The following NRG3 variants were observed in gnomAD, a reference collection of about 807,000 sequenced individuals.
NRG3 encodes the protein neuregulin 3.
In NRG3, 31 loss-of-function variants were observed where a neutral mutation model predicts 66.9. That is an observed-to-expected ratio of 0.46 (90% confidence interval 0.35 to 0.63). The LOEUF (loss-of-function observed/expected upper bound fraction) is 0.63, where lower values mean the gene tolerates loss of function less well. NRG3 is among the 20% of genes least tolerant of loss of function. NRG3 has a pLI of 0.00. For missense variants in NRG3, 910 were observed against 878.9 expected (o/e 1.04, Z -0.45); for synonymous variants, 393 against 359.4 (o/e 1.09, Z -1.06).
intron 1 of NRG3, among the ~76,000 whole-genome samples, chr10:82,241,077 C>T (rs372025520): frequency 6.6e-6 from 1 of 152,026 alleles, no homozygotes; most frequent in East Asian, 1.9e-4. Flanking sequence ...TGCTGATTCT[C>T]TGAGCTAGAA....
chr10:82,699,701 T>C (rs550685744), intron 2 of NRG3, among the ~76,000 whole-genome samples: 1 of 152,244 alleles, frequency 6.6e-6, no homozygotes, highest in South Asian at 2.1e-4. Context: ...ATTTTAGCCT[T>C]TTGCATTTAA....
At chr10:82,595,533 C>T (rs993022202) in intron 2 of NRG3, among the ~76,000 whole-genome samples, 3 of 152,130 alleles carry the variant, frequency 2.0e-5, no homozygotes. Flanking sequence ...CACCTGTAAT[C>T]CCAGCACTTT....
At chr10:82,527,977 T>C (rs964797282) in intron 2 of NRG3, among the ~76,000 whole-genome samples, 2 of 152,138 alleles carry the variant, frequency 1.3e-5, no homozygotes, top group African/African-American at 4.8e-5. Context: ...GGCTTATACA[T>C]TGTTGGATGT....
At chr10:82,618,250 C>T (rs944848391) in intron 2 of NRG3, among the ~76,000 whole-genome samples, 3 of 152,006 alleles carry the variant, frequency 2.0e-5, no homozygotes, top group Admixed American at 6.6e-5. Flanking sequence ...ACAGTGCAAG[C>T]GACAATCAGC....
intron 3 of NRG3, among the ~76,000 whole-genome samples, chr10:82,744,405 A>G (rs536371358): frequency 6.6e-6 from 1 of 152,168 alleles, no homozygotes; most frequent in Non-Finnish European, 1.5e-5. Flanking sequence ...TAGAGGGTGC[A>G]TTCTCTGTTT....
At chr10:81,992,362 C>T (rs1394409397) in intron 1 of NRG3, among the ~76,000 whole-genome samples, 1 of 152,088 alleles carries the variant, frequency 6.6e-6, no homozygotes, top group African/African-American at 2.4e-5. Flanking sequence ...TAACTGTCTG[C>T]TGTGCTTGAG....
intron 4 of NRG3, among the ~76,000 whole-genome samples, chr10:82,915,410 A>T (rs140780589): frequency 6.6e-6 from 1 of 152,234 alleles, no homozygotes; most frequent in African/African-American, 2.4e-5. Context: ...GAAATCAGGA[A>T]CAAGCTCTTT....
Position 82,143,768 on chromosome 10 carries a change from G to A in NRG3, c.824-214971G>A, listed in dbSNP as rs191705086. ...TATGTGGCTGGGCGCAGTGGCTTAC[G>A]CCTGTTATCCCAGCACTTTGAGAGT... On this transcript the variant is annotated intron_variant, in intron 1 of 8. Coordinates refer to ENST00000372141, the MANE Select transcript of NRG3 (RefSeq NM_001010848.4). Among the ~76,000 whole-genome samples, 335 of 152,126 alleles carry A rather than the reference G, an allele frequency of 2.2e-3. 2 individuals are homozygous for A. Among genetic ancestry groups the A allele is most frequent in the African/African-American group, 7.5e-3 (310 of 41,532 alleles).
intron 1 of NRG3, among the ~76,000 whole-genome samples, chr10:82,254,583 T>C (rs2077626531): frequency 1.3e-5 from 2 of 152,034 alleles, no homozygotes; most frequent in African/African-American, 4.8e-5. Context: ...GCAAGAAATA[T>C]ATATTTACCT....
chr10:82,548,754 T>G (rs2044106774), intron 2 of NRG3, among the ~76,000 whole-genome samples: 1 of 149,616 alleles, frequency 6.7e-6, no homozygotes, highest in Non-Finnish European at 1.5e-5. Flanking sequence ...CAGTAAAACA[T>G]AAATAAATTA....
At chr10:82,022,222 A>G (rs1013085628) in intron 1 of NRG3, among the ~76,000 whole-genome samples, 4 of 152,122 alleles carry the variant, frequency 2.6e-5, no homozygotes, top group Non-Finnish European at 5.9e-5. Flanking sequence ...GCAACTCATT[A>G]CAAATGAAGC....
chr10:82,620,418 G>T (rs901355280), intron 2 of NRG3, among the ~76,000 whole-genome samples: 1 of 152,130 alleles, frequency 6.6e-6, no homozygotes, highest in Non-Finnish European at 1.5e-5. Flanking sequence ...GAGCTGGAGA[G>T]GGGATGGGGC....
At chr10:82,814,569 T>A (rs1468471501) in intron 3 of NRG3, among the ~76,000 whole-genome samples, 1 of 152,182 alleles carries the variant, frequency 6.6e-6, no homozygotes, top group Non-Finnish European at 1.5e-5. Flanking sequence ...CCTCCCATGA[T>A]GCCTCTATAG....
chr10:81,968,288 A>G (rs990195823), intron 1 of NRG3, among the ~76,000 whole-genome samples: 2 of 152,130 alleles, frequency 1.3e-5, no homozygotes, highest in Admixed American at 6.6e-5. Context: ...TTTAGACTCT[A>G]TTCTCCCCAA....
intron 4 of NRG3, among the ~76,000 whole-genome samples, chr10:82,912,123 G>C (rs1456349634): frequency 1.3e-5 from 2 of 152,118 alleles, no homozygotes; most frequent in Non-Finnish European, 1.5e-5. Flanking sequence ...GTGAAATTGA[G>C]AAGAATGTGT....
chr10:82,349,797 C>T (rs2083302471), intron 1 of NRG3, among the ~76,000 whole-genome samples: 1 of 152,170 alleles, frequency 6.6e-6, no homozygotes, highest in Non-Finnish European at 1.5e-5. Context: ...GTCGGAAAAG[C>T]GCAGTATTCG....
intron 2 of NRG3, among the ~76,000 whole-genome samples, chr10:82,394,123 A>G (rs1029493525): frequency 2.6e-5 from 4 of 152,104 alleles, no homozygotes; most frequent in Non-Finnish European, 5.9e-5. Flanking sequence ...CTATTTCTCC[A>G]ACATGCTGGC....
chr10:82,237,004 C>T (rs1037861718), intron 1 of NRG3, among the ~76,000 whole-genome samples: 18 of 152,062 alleles, frequency 1.2e-4, no homozygotes, highest in African/African-American at 3.4e-4. Flanking sequence ...TGTGAGCCAG[C>T]GCACCCGGCC....
At chr10:82,115,948 C>G (rs2067684745) in intron 1 of NRG3, among the ~76,000 whole-genome samples, 1 of 152,032 alleles carries the variant, frequency 6.6e-6, no homozygotes, top group South Asian at 2.1e-4. Context: ...AAAATCTGTG[C>G]ATTTACCACA....
Sources: allele counts gnomAD v4.1 joint callset (sites outside exome capture counted in the v4.1 genomes callset), GRCh38; gene constraint gnomAD v4.1.1; transcripts MANE v1.5; gene names NCBI Gene and HGNC (gene_info 2026-07-23, HGNC 2026-07-21).